Variants in GALNT17 observed in about 807,000 individuals in gnomAD.
GALNT17 encodes polypeptide N-acetylgalactosaminyltransferase 17, also known as UDP-GalNAc:polypeptide N-acetylgalactosaminyltransferase-like 3.
Under a neutral mutation model 63.7 loss-of-function variants are expected in GALNT17, and 29 were observed. The ratio of observed to expected loss-of-function variants is 0.46; its 90% CI spans 0.34 to 0.62. The LOEUF (loss-of-function observed/expected upper bound fraction) is 0.62. Among genes scored for constraint, GALNT17 ranks in the 20% least tolerant of loss-of-function variants. The probability of loss-of-function intolerance (pLI) is 0.01; values close to 1 mark genes in which losing one functional copy is unlikely to be tolerated. For synonymous variants in GALNT17, 305 were observed against 318.3 expected (o/e 0.96, Z 0.45); for missense variants, 603 against 799.6 (o/e 0.75, Z 2.97).
chr7:71,597,949 C>CTT (rs536969294), intron 6 of GALNT17, among the ~76,000 whole-genome samples: 7 of 145,360 alleles, frequency 4.8e-5, no homozygotes, highest in Admixed American at 2.1e-4. Context: ...CTTTCATTTC[C>CTT]TTTTTTTTTT....
intron 6 of GALNT17, among the ~76,000 whole-genome samples, chr7:71,603,341 T>A (rs772258747): frequency 2.0e-5 from 3 of 151,528 alleles, no homozygotes; most frequent in African/African-American, 2.4e-5. Flanking sequence ...CCAGGTACTA[T>A]GTTAAGTGCA....
intron 1 of GALNT17, among the ~76,000 whole-genome samples, chr7:71,143,722 G>A (rs1274576445): frequency 6.6e-6 from 1 of 151,884 alleles, no homozygotes; most frequent in Non-Finnish European, 1.5e-5. Context: ...TTGCATCTGG[G>A]GATGATTGGG....
At chr7:71,193,077 T>C (rs1788982974) in intron 1 of GALNT17, among the ~76,000 whole-genome samples, 1 of 122,112 alleles carries the variant, frequency 8.2e-6, no homozygotes, top group East Asian at 2.0e-4. Context: ...ATTTATTTAT[T>C]TATTTATTTA....
intron 1 of GALNT17, among the ~76,000 whole-genome samples, chr7:71,240,717 T>C (rs1342734523): frequency 6.6e-6 from 1 of 150,786 alleles, no homozygotes; most frequent in Non-Finnish European, 1.5e-5. Flanking sequence ...CAGGCTGGAG[T>C]GCAGTGGTGC....
intron 9 of GALNT17, among the ~76,000 whole-genome samples, chr7:71,692,201 A>G (rs1191690312): frequency 2.0e-5 from 3 of 152,108 alleles, no homozygotes; most frequent in Non-Finnish European, 2.9e-5. Flanking sequence ...TGGGATTTAT[A>G]GGTGTGAGTC....
In GALNT17 at chr7:71,651,391, C is replaced by A. The variant is rs142542480; in HGVS notation, c.1081-14020C>A. 6.3e-4 allele frequency among the ~76,000 whole-genome samples: 96 copies of A among 151,690 alleles called. No homozygotes were observed. The East Asian group carries it at 0.016, about 24-fold the overall frequency. ...GATCTCGGCTCACTGCAACCTCTGC[C>A]TCCCAGGTTTAAGCAATTCTCCTGC... On this transcript the variant is annotated intron_variant, in intron 6 of 10. Coordinates refer to ENST00000333538, the MANE Select transcript of GALNT17 (RefSeq NM_022479.3).
intron 6 of GALNT17, among the ~76,000 whole-genome samples, chr7:71,577,894 C>G (rs1789564105): frequency 6.6e-6 from 1 of 152,010 alleles, no homozygotes; most frequent in African/African-American, 2.4e-5. Context: ...GCTGAAGGCA[C>G]TGAAGACCTG....
chr7:71,511,324 G>C (rs183866418), intron 5 of GALNT17, among the ~76,000 whole-genome samples: 2 of 152,188 alleles, frequency 1.3e-5, no homozygotes, highest in Non-Finnish European at 2.9e-5. Context: ...TGGAGTGTGG[G>C]TAATAGGGGT....
intron 5 of GALNT17, among the ~76,000 whole-genome samples, chr7:71,570,338 T>G (rs937942129): frequency 4.6e-5 from 7 of 152,178 alleles, no homozygotes; most frequent in African/African-American, 1.7e-4. Context: ...CTAGGATGTG[T>G]TTCCTCCCTG....
At position 71,525,740 on chromosome 7, in the gene GALNT17, T is replaced by TC. The variant is rs1173218503; in HGVS notation, c.963-45545_963-45544insC. Reference sequence around the variant, plus strand: ...TCAGTCTTGGGTATGTCTTTTCTTTTTTTTTTTTTTTTTTTTTGAGATGGT... The same window carrying TC: ...TCAGTCTTGGGTATGTCTTTTCTTTTCTTTTTTTTTTTTTTTTTGAGATGGT... On this transcript the variant is annotated intron_variant, in intron 5 of 10. Transcript: ENST00000333538. 1.1e-3 allele frequency among the ~76,000 whole-genome samples: 150 copies of TC among 141,194 alleles called. 1 individual carries two copies. Among genetic ancestry groups the TC allele is most frequent in the African/African-American group, 3.5e-3 (133 of 38,138 alleles). The allele number at this position is 141,194 out of a possible 152,430, so 92.6% of individuals were successfully genotyped here. A position where few individuals can be genotyped will look rare whatever the true frequency, so the allele number is the denominator to read the frequency against.
chr7:71,132,728 G>A lies in GALNT17; in HGVS notation c.-75G>A, dbSNP rs1274870507. On this transcript the variant is annotated 5_prime_UTR_variant, in exon 1 of 11. Coordinates refer to ENST00000333538, the MANE Select transcript of GALNT17 (RefSeq NM_022479.3). Reference sequence around the variant, plus strand: ...GCCGTCTGGTGTGTGAGGCTTGCACGGCCCCTGGCTGCCCCGCGCCTCGCC... The same window carrying A: ...GCCGTCTGGTGTGTGAGGCTTGCACAGCCCCTGGCTGCCCCGCGCCTCGCC... 17 of 1,284,510 alleles carry A rather than the reference G, an allele frequency of 1.3e-5. No homozygotes were observed. The highest frequency in any genetic ancestry group is 1.9e-4 in the Middle Eastern group (1 of 5,254). The allele number at this position is 1,284,510 out of a possible 1,614,324, so 79.6% of individuals were successfully genotyped here. A position where few individuals can be genotyped will look rare whatever the true frequency, so the allele number is the denominator to read the frequency against.
intron 5 of GALNT17, among the ~76,000 whole-genome samples, chr7:71,512,318 C>T (rs1163064801): frequency 2.0e-5 from 3 of 151,892 alleles, no homozygotes; most frequent in Non-Finnish European, 4.4e-5. Flanking sequence ...GGGTTGCAGC[C>T]TTCTGACATC....
intron 6 of GALNT17, among the ~76,000 whole-genome samples, chr7:71,589,094 G>T (rs970801641): frequency 1.3e-5 from 2 of 152,114 alleles, no homozygotes; most frequent in African/African-American, 4.8e-5. Flanking sequence ...GCTCGGAGAA[G>T]GAAAGAGAAG....
At chr7:71,707,278 G>A (rs1791734545) in intron 9 of GALNT17, among the ~76,000 whole-genome samples, 1 of 152,102 alleles carries the variant, frequency 6.6e-6, no homozygotes, top group Non-Finnish European at 1.5e-5. Context: ...TCTGTGATTT[G>A]CTCCTAGTAA....
At chr7:71,464,079 C>A (rs2116588622) in intron 5 of GALNT17, among the ~76,000 whole-genome samples, 1 of 152,264 alleles carries the variant, frequency 6.6e-6, no homozygotes, top group Admixed American at 6.5e-5. Flanking sequence ...AACTATATTT[C>A]TGTTCCGAAC....
At chr7:71,236,245 C>T (rs984196947) in intron 1 of GALNT17, among the ~76,000 whole-genome samples, 3 of 151,928 alleles carry the variant, frequency 2.0e-5, no homozygotes, top group East Asian at 3.9e-4. Flanking sequence ...GACAAACTCA[C>T]TTACACTGAG....
chr7:71,555,246 T>A (rs6460670), intron 5 of GALNT17, among the ~76,000 whole-genome samples: 48,576 of 148,794 alleles, frequency 0.33, 7,892 homozygotes, highest in Admixed American at 0.35. Context: ...TGGAAGGGAC[T>A]GACATCCAAA....
At chr7:71,358,159 C>T (rs1347460106) in intron 2 of GALNT17, among the ~76,000 whole-genome samples, 1 of 152,116 alleles carries the variant, frequency 6.6e-6, no homozygotes, top group African/African-American at 2.4e-5. Flanking sequence ...AGATCCGCGG[C>T]TCCATTCTTG....
intron 6 of GALNT17, among the ~76,000 whole-genome samples, chr7:71,605,249 C>T (rs1298194307): frequency 2.6e-5 from 4 of 152,146 alleles, no homozygotes; most frequent in African/African-American, 9.7e-5. Context: ...AATATTTACA[C>T]AGCAAAGGAG....
Sources: gnomAD v4.1 joint callset for allele counts (sites outside exome capture counted in the v4.1 genomes callset) on GRCh38, gnomAD v4.1.1 for gene constraint, MANE v1.5 for transcripts, NCBI Gene and HGNC (gene_info 2026-07-23, HGNC 2026-07-21) for gene names.